The following TMEM176B variants were observed in gnomAD, a reference collection of about 807,000 sequenced individuals.
TMEM176B encodes the protein transmembrane protein 176B.
TMEM176B carries 28 observed loss-of-function variants against 30.3 expected under a neutral mutation model. That is an observed-to-expected ratio of 0.92 (90% CI 0.68 to 1.27). The LOEUF (loss-of-function observed/expected upper bound fraction) is 1.27, where lower values mean the gene tolerates loss of function less well. Among genes scored for constraint, TMEM176B ranks in the 50% most tolerant of loss-of-function variants. TMEM176B has a pLI of 0.00. For missense variants in TMEM176B, 349 were observed against 327.4 expected, an observed-to-expected ratio of 1.07 and a Z score of -0.51; for synonymous variants, 123 against 130.3, an observed-to-expected ratio of 0.94 and a Z score of 0.38.
rs1798370599 is a variant in TMEM176B, at chr7:150,792,953, T to A, written c.600+135A>T. On this transcript the variant is annotated intron_variant, in intron 5 of 6. Transcript: ENST00000326442. The stretch of plus-strand genomic sequence containing the variant: ...GTCTGAAAAATGTCTGTAGCTTACA[T>A]TAAAACCTCCTGAATGAAAGACCCA... The A allele has an allele frequency of 5.2e-6, 4 of 775,050 alleles. No individual in the cohort carries two copies. In the Admixed American group the frequency reaches 1.0e-4, roughly 20 times the overall value. 48.0% of individuals were successfully genotyped at this position (775,050 alleles called of 1,614,324 possible). A position where few individuals can be genotyped will look rare whatever the true frequency, so the allele number is the denominator to read the frequency against.
intron 5 of TMEM176B, 56 bp downstream of exon 5, chr7:150,793,032 T>A: frequency 6.4e-7 from 1 of 1,570,158 alleles, no homozygotes; most frequent in African/African-American, 1.3e-5. Context: ...GGCCCCCAGC[T>A]CCCTGGGAAA....
At chr7:150,794,687 TC>T (rs139123517) in intron 2 of TMEM176B, among the ~76,000 whole-genome samples, 21,629 of 150,844 alleles carry the variant, frequency 0.14, 1,644 homozygotes, top group Non-Finnish European at 0.16. Flanking sequence ...GCCTGGGAGC[TC>T]CCCCACTGGC....
At chr7:150,795,869 GGA>G (rs991733220) in intron 2 of TMEM176B, among the ~76,000 whole-genome samples, 41 of 152,204 alleles carry the variant, frequency 2.7e-4, no homozygotes, top group African/African-American at 9.2e-4. Context: ...TATTGAAGAA[GGA>G]GAGTTTCCAC....
At chr7:150,798,728 T>TATAATAA (rs1245037068) in intron 1 of TMEM176B, among the ~76,000 whole-genome samples, 1 of 152,186 alleles carries the variant, frequency 6.6e-6, no homozygotes, top group African/African-American at 2.4e-5. Flanking sequence ...TCTCTTATTA[T>TATAATAA]GAGTGAGGTT....
chr7:150,792,108 A>T lies in TMEM176B; in HGVS notation c.668T>A (p.Val223Asp). The T allele has an allele frequency of 6.2e-7, 1 of 1,614,028 alleles. No homozygotes were observed. The highest frequency in any genetic ancestry group is 8.5e-7 in the Non-Finnish European group (1 of 1,179,958). ...VCVLKVIVSL[V>D]SLGVGLRNLC... Reference sequence around the variant, plus strand: ...GTTTCGAAGACCTACTCCCAAGGAAACCAAGGACACAATGACCTTCAAGAC... The same window carrying T: ...GTTTCGAAGACCTACTCCCAAGGAATCCAAGGACACAATGACCTTCAAGAC... The change falls in exon 6 of 7, where the codon GTT becomes GAT. Residue 223 changes from valine to aspartate, a missense_variant. Coordinates refer to ENST00000326442, the MANE Select transcript of TMEM176B (RefSeq NM_001101312.2).
At chr7:150,791,913 A>T in intron 6 of TMEM176B, 143 bp downstream of exon 6, 27 of 1,261,246 alleles carry the variant, frequency 2.1e-5, no homozygotes, top group Non-Finnish European at 2.9e-5. Context: ...CAGACAGCAA[A>T]GGGGAGAGCT....
upstream of TMEM176B, chr7:150,800,504 G>C (rs1046321148): frequency 6.6e-6 from 1 of 152,210 alleles, no homozygotes; most frequent in African/African-American, 2.4e-5. Context: ...AGAAGACCGA[G>C]CCCCCGCGCG....
chr7:150,791,676 T>C, intron 6 of TMEM176B, 53 bp from the exon 7 acceptor site: 1 of 1,498,196 alleles, frequency 6.7e-7, no homozygotes, highest in South Asian at 1.2e-5. Flanking sequence ...CAGGCAGAGT[T>C]AGTATCATAG....
At chr7:150,801,329 T>C, upstream of TMEM176B, 1 of 507,230 alleles carries the variant, frequency 2.0e-6, no homozygotes, top group Admixed American at 3.9e-5. Context: ...TCCCGCAGGC[T>C]CTGTAGTCGC....
chr7:150,798,639 T>G (rs760317348), intron 1 of TMEM176B, among the ~76,000 whole-genome samples: 1 of 151,998 alleles, frequency 6.6e-6, no homozygotes, highest in Admixed American at 6.6e-5. Flanking sequence ...CTCAAACTCC[T>G]GGACTCAAGC....
rs549014686 is a variant in TMEM176B, at chr7:150,793,971, G to C, written c.305C>G (p.Ala102Gly). 1 of 1,607,464 alleles carries C rather than the reference G, an allele frequency of 6.2e-7. No individual in the cohort carries two copies. The highest frequency in any genetic ancestry group is 8.5e-7 in the Non-Finnish European group (1 of 1,177,112). The change falls in exon 3 of 7, where the codon GCG (alanine) becomes GGG (glycine). Residue 102 changes from alanine to glycine, a missense_variant. Physicochemically the swap from Ala to Gly is moderately conservative, Grantham distance 60. Coordinates refer to ENST00000326442, the MANE Select transcript of TMEM176B (RefSeq NM_001101312.2). Reference sequence around the variant, plus strand: ...CTGTTCCTTACTCACCACAGACCCCGCCCAGAAGGCACAGCCTGAGGCACT... The same window carrying C: ...CTGTTCCTTACTCACCACAGACCCCCCCCAGAAGGCACAGCCTGAGGCACT... ...VLSASGCAFW[A>G]GSVVIAAGAG...
At chr7:150,800,595 T>C, upstream of TMEM176B, 1 of 152,366 alleles carries the variant, frequency 6.6e-6, no homozygotes, top group Non-Finnish European at 1.5e-5. Context: ...CCCACGGGCT[T>C]TCCCAGGGCC....
Position 150,791,592 on chromosome 7 carries a change from C to G in TMEM176B, c.752G>C (p.Gly251Ala). Residue 251 changes from glycine to alanine, a missense_variant, in exon 7 of 7, where the codon GGG becomes GCG. Gly to Ala is a moderately conservative substitution (Grantham distance 60, BLOSUM62 0). Transcript: ENST00000326442. ...GGGCGAAGGGGGCACTGAATTCTCC[C>G]CCAGTAGCCTCTTCTCTGATCCTTC... Reference protein sequence around the residue: ...NEEGSEKRLLGENSVPPSPSR... With the variant: ...NEEGSEKRLLAENSVPPSPSR... 6.2e-7 allele frequency: 1 copy of G among 1,613,896 alleles called. No individual in the cohort carries two copies. Among genetic ancestry groups the G allele is most frequent in the Non-Finnish European group, 8.5e-7 (1 of 1,179,960 alleles).
In TMEM176B at chr7:150,793,634, T is replaced by C. The variant is rs774043754; in HGVS notation, c.316-34A>G. 4 of 1,607,860 alleles carry C rather than the reference T, an allele frequency of 2.5e-6. No individual in the cohort carries two copies. The Admixed American group carries it at 5.1e-5, about 20-fold the overall frequency. On this transcript the variant is annotated intron_variant, in intron 3 of 6. Transcript: ENST00000326442. ...AGACACCAGAAAAAGGCCTCCAGTT[T>C]ACTCTTCTGAATTGGTCTATCATCA...
chr7:150,795,267 T>C (rs1232102418), intron 2 of TMEM176B, among the ~76,000 whole-genome samples: 1 of 152,198 alleles, frequency 6.6e-6, no homozygotes, highest in East Asian at 1.9e-4. Flanking sequence ...CGTTCAAGGC[T>C]CTCAGCAATA....
In TMEM176B at chr7:150,793,122, T is replaced by C; in HGVS notation, c.566A>G (p.Lys189Arg). 1 of 1,614,226 alleles carries C rather than the reference T, an allele frequency of 6.2e-7. No individual in the cohort carries two copies. Among genetic ancestry groups the C allele is most frequent in the Non-Finnish European group, 8.5e-7 (1 of 1,180,042 alleles). ...MRRSQENQWQ[K>R]EECRAYMQML... ...CTGCATGTAAGCTCTACACTCCTCCTTCTGCCATTGGTTCTCTTGACTTCG... is the reference window on the plus strand; with the variant it reads ...CTGCATGTAAGCTCTACACTCCTCCCTCTGCCATTGGTTCTCTTGACTTCG... Residue 189 changes from lysine (K) to arginine (R), a missense_variant, in exon 5 of 7, where the codon AAG becomes AGG. By Grantham distance (26) the Lys-to-Arg change is conservative. Coordinates refer to ENST00000326442, the MANE Select transcript of TMEM176B (RefSeq NM_001101312.2).
At chr7:150,795,126 T>C (rs985124598) in intron 2 of TMEM176B, among the ~76,000 whole-genome samples, 6 of 152,198 alleles carry the variant, frequency 3.9e-5, no homozygotes, top group African/African-American at 1.4e-4. Context: ...ATTTCTGCTA[T>C]GATTATGTGA....
At chr7:150,797,295 C>G (rs1289654094) in intron 1 of TMEM176B, among the ~76,000 whole-genome samples, 1 of 152,150 alleles carries the variant, frequency 6.6e-6, no homozygotes, top group East Asian at 1.9e-4. Context: ...GCTGTGATCA[C>G]ACGATCATAT....
rs1417906583 is a variant in TMEM176B, at chr7:150,791,423, A to C, written c.*108T>G. 1 of 786,222 alleles carries C rather than the reference A, an allele frequency of 1.3e-6. No homozygotes were observed. The highest frequency in any genetic ancestry group is 1.7e-5 in the African/African-American group (1 of 57,328). 48.7% of individuals were successfully genotyped at this position (786,222 alleles called of 1,614,324 possible). A position where few individuals can be genotyped will look rare whatever the true frequency, so the allele number is the denominator to read the frequency against. ...GCGGATGTGGGGAGAAGAAAGGAGG[A>C]GGGTCTGGAGAGCGGCCATAGGGGA... On this transcript the variant is annotated 3_prime_UTR_variant, in exon 7 of 7. Transcript: ENST00000326442.
Sources: allele counts gnomAD v4.1 joint callset (sites outside exome capture counted in the v4.1 genomes callset), GRCh38; gene constraint gnomAD v4.1.1; transcripts MANE v1.5; gene names NCBI Gene and HGNC (gene_info 2026-07-23, HGNC 2026-07-21).